PPP6R3: variants seen among roughly 807,000 people sequenced by gnomAD.
PPP6R3 encodes serine/threonine-protein phosphatase 6 regulatory subunit 3.
Under a neutral mutation model 110.7 loss-of-function variants are expected in PPP6R3, and 38 were observed. The observed-to-expected ratio is 0.34, with a 90% CI of 0.26 to 0.45. PPP6R3 has a LOEUF of 0.45. Among genes scored for constraint, PPP6R3 ranks in the 20% least tolerant of loss-of-function variants. The pLI is 1.00. For synonymous variants in PPP6R3, 369 were observed against 373.5 expected (o/e 0.99, Z 0.14); for missense variants, 870 against 1,062.4 (o/e 0.82, Z 2.52).
At chr11:68,504,665 T>C (rs2099066246) in intron 1 of PPP6R3, among the ~76,000 whole-genome samples, 1 of 152,204 alleles carries the variant, frequency 6.6e-6, no homozygotes, top group Non-Finnish European at 1.5e-5. Context: ...TTGAGAGCCC[T>C]GAAAGCAGCA....
intron 18 of PPP6R3, among the ~76,000 whole-genome samples, chr11:68,594,816 A>G (rs1357745898): frequency 6.6e-6 from 1 of 152,188 alleles, no homozygotes; most frequent in Non-Finnish European, 1.5e-5. Context: ...GACAAACACT[A>G]CCTTATTTTA....
At position 68,573,145 on chromosome 11, in the gene PPP6R3, TATATATATA is replaced by T. The variant is rs1270112647; in HGVS notation, c.1344-961_1344-953del. 2.0e-3 allele frequency among the ~76,000 whole-genome samples: 232 copies of T among 114,696 alleles called. 3 individuals carry two copies. The highest frequency in any genetic ancestry group is 4.6e-3 in the Admixed American group (50 of 10,948). The allele number at this position is 114,696 out of a possible 152,430, so 75.2% of individuals were successfully genotyped here. On this transcript the variant is annotated intron_variant, in intron 12 of 23. Coordinates refer to ENST00000393800, the MANE Select transcript of PPP6R3 (RefSeq NM_001164161.2). Reference sequence around the variant, plus strand: ...ATATATATATATATATATATATATATATATATATAATTTTTTTTTTTTTGAGACGGAGTC... The same window carrying T: ...ATATATATATATATATATATATATATATTTTTTTTTTTTTGAGACGGAGTC...
chr11:68,544,459 G>A lies in PPP6R3; in HGVS notation c.228-379G>A, dbSNP rs572952307. 1.2e-4 allele frequency among the ~76,000 whole-genome samples: 19 copies of A among 152,290 alleles called. No individual in the cohort carries two copies. The East Asian group carries it at 1.4e-3, about 11-fold the overall frequency. ...AAACCAGTGTCCTCCACAGTTGTCC[G>A]CAAGCTTTGCTGCTTCCCATGCCAG... On this transcript the variant is annotated intron_variant, in intron 3 of 23. Transcript: ENST00000393800.
chr11:68,551,215 G>T, intron 6 of PPP6R3, 29 bp downstream of exon 6: 1 of 1,534,002 alleles, frequency 6.5e-7, no homozygotes, highest in South Asian at 1.2e-5. Flanking sequence ...CTGTAAACTT[G>T]ATTAGAAAAA....
intron 1 of PPP6R3, among the ~76,000 whole-genome samples, chr11:68,511,112 G>C (rs1040737646): frequency 3.3e-4 from 49 of 150,108 alleles, no homozygotes; most frequent in African/African-American, 1.1e-3. Context: ...CTGTCGCCCA[G>C]GCTGGAGTGC....
rs973145249 is a variant in PPP6R3, at chr11:68,503,770, T to A, written c.-157-15731T>A. On this transcript the variant is annotated intron_variant, in intron 1 of 23. Coordinates refer to ENST00000393800, the MANE Select transcript of PPP6R3 (RefSeq NM_001164161.2). The stretch of plus-strand genomic sequence containing the variant: ...TCAGACAAATAACTTTTTCTTTTTT[T>A]AAAATAACCCCTACAAATCATTGAG... Among the ~76,000 whole-genome samples, 3 of 152,164 alleles carry A rather than the reference T, an allele frequency of 2.0e-5. No homozygotes were observed. In the South Asian group the frequency reaches 6.2e-4, roughly 32 times the overall value.
chr11:68,567,354 C>A (rs1413216601), intron 10 of PPP6R3, among the ~76,000 whole-genome samples, 188 bp downstream of exon 10: 1 of 152,188 alleles, frequency 6.6e-6, no homozygotes, highest in Non-Finnish European at 1.5e-5. Context: ...GTTCACTAGG[C>A]ATCTACTGTT....
intron 16 of PPP6R3, among the ~76,000 whole-genome samples, chr11:68,588,968 A>G (rs2099587372): frequency 6.6e-6 from 1 of 151,846 alleles, no homozygotes; most frequent in Non-Finnish European, 1.5e-5. Context: ...GCACTTTGGG[A>G]GGCCGAGCCG....
intron 19 of PPP6R3, among the ~76,000 whole-genome samples, chr11:68,597,141 C>G (rs181964999): frequency 6.6e-6 from 1 of 152,272 alleles, no homozygotes; most frequent in East Asian, 1.9e-4. Context: ...TAACTGTGAA[C>G]GGGCCACAGA....
intron 1 of PPP6R3, among the ~76,000 whole-genome samples, chr11:68,498,973 CT>C (rs1041326863): frequency 6.6e-6 from 1 of 152,106 alleles, no homozygotes; most frequent in African/African-American, 2.4e-5. Flanking sequence ...GTATTTCATC[CT>C]TTTCATTTTA....
chr11:68,592,425 A>T (rs1312650994), intron 18 of PPP6R3, among the ~76,000 whole-genome samples: 2 of 152,214 alleles, frequency 1.3e-5, no homozygotes, highest in Non-Finnish European at 2.9e-5. Context: ...ATGCAATGAA[A>T]AGTAAAACTG....
At chr11:68,597,464 G>A (rs988884900) in intron 19 of PPP6R3, among the ~76,000 whole-genome samples, 1 of 152,148 alleles carries the variant, frequency 6.6e-6, no homozygotes, top group Non-Finnish European at 1.5e-5. Flanking sequence ...TATTGGTTCT[G>A]TTTCAAGACA....
At chr11:68,478,329 C>A (rs1198477286) in intron 1 of PPP6R3, among the ~76,000 whole-genome samples, 1 of 152,112 alleles carries the variant, frequency 6.6e-6, no homozygotes, top group Non-Finnish European at 1.5e-5. Context: ...GGTGTGAGCC[C>A]CGTTGCCCAA....
chr11:68,478,004 C>G (rs1394856972), intron 1 of PPP6R3, among the ~76,000 whole-genome samples: 2 of 149,382 alleles, frequency 1.3e-5, no homozygotes, highest in African/African-American at 5.0e-5. Context: ...GGCTGGAGTG[C>G]AGTGGCGTGA....
intron 1 of PPP6R3, among the ~76,000 whole-genome samples, chr11:68,489,844 C>T (rs910096084): frequency 2.6e-5 from 4 of 151,968 alleles, no homozygotes. Context: ...GGAACTGAAC[C>T]TGTAATATCT....
intron 7 of PPP6R3, chr11:68,558,316 C>G (rs2099407036): frequency 1.2e-5 from 3 of 248,156 alleles, no homozygotes; most frequent in South Asian, 6.9e-5. Context: ...CAAGCATGGC[C>G]CAGGTTATTT....
chr11:68,613,037 G>T, intron 23 of PPP6R3, 29 bp from the exon 24 acceptor site: 2 of 1,614,084 alleles, frequency 1.2e-6, no homozygotes, highest in Non-Finnish European at 1.7e-6. Flanking sequence ...TGCTGCAAGT[G>T]CCTCCGATGC....
At chr11:68,539,570 C>T (rs1470127395) in intron 3 of PPP6R3, among the ~76,000 whole-genome samples, 1 of 152,214 alleles carries the variant, frequency 6.6e-6, no homozygotes, top group Non-Finnish European at 1.5e-5. Flanking sequence ...TGAGCAGAGT[C>T]ACCACCTGTG....
rs555889524 is a variant in PPP6R3, at chr11:68,552,691, C to G, written c.619-1454C>G. On this transcript the variant is annotated intron_variant, in intron 6 of 23. Transcript: ENST00000393800. ...CTGTGCAGGCCGTGGAGAGCCATGA[C>G]AGGAGTGTGGCCTGCCCCGTTGACA... Among the ~76,000 whole-genome samples, 3 of 152,318 alleles carry G rather than the reference C, an allele frequency of 2.0e-5. No individual in the cohort carries two copies. The East Asian group carries it at 5.8e-4, about 29-fold the overall frequency.
Sources: allele counts gnomAD v4.1 joint callset (sites outside exome capture counted in the v4.1 genomes callset), GRCh38; gene constraint gnomAD v4.1.1; transcripts MANE v1.5; gene names NCBI Gene and HGNC (gene_info 2026-07-23, HGNC 2026-07-21).